The following DOCK8 variants were observed in gnomAD, a reference collection of about 807,000 sequenced individuals.
DOCK8 encodes dedicator of cytokinesis 8.
DOCK8 carries 141 observed loss-of-function variants against 245.6 expected under a neutral mutation model. That is an observed-to-expected ratio of 0.57 (90% CI 0.50 to 0.66). DOCK8 has a LOEUF of 0.66. DOCK8 is among the 30% of genes least tolerant of loss of function. DOCK8 has a pLI of 0.00. For synonymous variants in DOCK8, 1,168 were observed against 970.2 expected, an observed-to-expected ratio of 1.20 and a Z score of -3.79; for missense variants, 2,965 against 2,603.4, an observed-to-expected ratio of 1.14 and a Z score of -3.02.
At chr9:341,292 G>A (rs1046211795) in intron 14 of DOCK8, among the ~76,000 whole-genome samples, 13 of 152,224 alleles carry the variant, frequency 8.5e-5, no homozygotes, top group Admixed American at 4.6e-4. Flanking sequence ...TTTCTGAATC[G>A]CTTATGGTGG....
At chr9:405,418 T>G (rs1415767301) in intron 27 of DOCK8, among the ~76,000 whole-genome samples, 1 of 152,178 alleles carries the variant, frequency 6.6e-6, no homozygotes, top group Non-Finnish European at 1.5e-5. Flanking sequence ...CCAAAGTAAA[T>G]AAGTTTTGGA....
chr9:330,824 G>T (rs1025904844), intron 9 of DOCK8, among the ~76,000 whole-genome samples: 11 of 152,162 alleles, frequency 7.2e-5, no homozygotes, highest in African/African-American at 2.7e-4. Flanking sequence ...CATAAATCAT[G>T]AGGGAACAAA....
intron 14 of DOCK8, among the ~76,000 whole-genome samples, chr9:356,056 A>C (rs990875981): frequency 6.6e-6 from 1 of 152,350 alleles, no homozygotes. Flanking sequence ...GCTGGTGAAC[A>C]TATTTCTGAG....
chr9:362,093 G>T (rs2052757854), intron 14 of DOCK8, among the ~76,000 whole-genome samples: 1 of 152,140 alleles, frequency 6.6e-6, no homozygotes, highest in Non-Finnish European at 1.5e-5. Context: ...AATATTTTCA[G>T]ATTACAGAAG....
chr9:235,373 G>A (rs1048982701), intron 1 of DOCK8, among the ~76,000 whole-genome samples: 12 of 152,176 alleles, frequency 7.9e-5, no homozygotes, highest in Admixed American at 2.0e-4. Flanking sequence ...CAGTCTGCCC[G>A]TTCTCAGATC....
chr9:316,838 A>G (rs570098238), intron 6 of DOCK8, among the ~76,000 whole-genome samples: 42 of 152,242 alleles, frequency 2.8e-4, no homozygotes, highest in Middle Eastern at 3.4e-3. Context: ...GGGTTTCTAA[A>G]AGGAGAAACT....
rs562849249 is a variant in DOCK8, at chr9:251,856, A to G, written c.54-19771A>G. Among the ~76,000 whole-genome samples, 3 of 152,286 alleles carry G rather than the reference A, an allele frequency of 2.0e-5. No homozygotes were observed. The South Asian group carries it at 6.2e-4, about 32-fold the overall frequency. On this transcript the variant is annotated intron_variant, in intron 1 of 47. Coordinates refer to ENST00000432829, the MANE Select transcript of DOCK8 (RefSeq NM_203447.4). ...TTTCCAGGTTATAAGGATTAAAGAT[A>G]CGCTCATGTTACCTAAGTTAATGGT...
intron 1 of DOCK8, among the ~76,000 whole-genome samples, chr9:244,056 C>T (rs1053589617): frequency 1.3e-5 from 2 of 151,886 alleles, no homozygotes; most frequent in African/African-American, 4.8e-5. Flanking sequence ...GGCGTGGCGG[C>T]GACCGCTTGT....
At chr9:333,216 T>C (rs1029290750) in intron 10 of DOCK8, among the ~76,000 whole-genome samples, 1 of 152,218 alleles carries the variant, frequency 6.6e-6, no homozygotes, top group African/African-American at 2.4e-5. Flanking sequence ...CCATGCATTA[T>C]ATATATTCAT....
At chr9:338,859 A>C (rs1221596507) in intron 12 of DOCK8, 147 bp from the exon 13 acceptor site, 3 of 697,842 alleles carry the variant, frequency 4.3e-6, no homozygotes, top group Admixed American at 4.3e-5. Context: ...AGTGGAGCTC[A>C]GTGATTTCAG....
At chr9:412,456 G>T (rs1160781843) in intron 28 of DOCK8, among the ~76,000 whole-genome samples, 1 of 150,018 alleles carries the variant, frequency 6.7e-6, no homozygotes. Flanking sequence ...CATTTAAATT[G>T]GAAAAGAAGT....
At chr9:280,435 T>C (rs1341152239) in intron 2 of DOCK8, among the ~76,000 whole-genome samples, 2 of 152,178 alleles carry the variant, frequency 1.3e-5, no homozygotes, top group African/African-American at 2.4e-5. Context: ...CATATGGATG[T>C]GTGTGAAGGT....
intron 34 of DOCK8, among the ~76,000 whole-genome samples, chr9:427,229 C>CT (rs1254522142): frequency 6.6e-6 from 1 of 152,130 alleles, no homozygotes; most frequent in Admixed American, 6.6e-5. Flanking sequence ...CCAGCTGACC[C>CT]TCTTGGTTAA....
intron 46 of DOCK8, among the ~76,000 whole-genome samples, chr9:461,375 A>T (rs962011384): frequency 6.6e-6 from 1 of 151,834 alleles, no homozygotes; most frequent in Non-Finnish European, 1.5e-5. Flanking sequence ...TTATATCTCT[A>T]TGTTTCTTAA....
chr9:386,305 G>C (rs769067475), intron 22 of DOCK8, 26 bp from the exon 23 acceptor site: 3 of 1,603,566 alleles, frequency 1.9e-6, no homozygotes, highest in Admixed American at 1.7e-5. Flanking sequence ...TTGGTTGACT[G>C]TTAAGCCATG....
At chr9:303,599 A>G (rs1478528830) in intron 4 of DOCK8, among the ~76,000 whole-genome samples, 1 of 152,220 alleles carries the variant, frequency 6.6e-6, no homozygotes, top group East Asian at 1.9e-4. Context: ...TCGGGTAAAC[A>G]TGGGCATAAA....
chr9:230,706 G>A (rs576278335), intron 1 of DOCK8, among the ~76,000 whole-genome samples: 18 of 151,438 alleles, frequency 1.2e-4, no homozygotes, highest in Admixed American at 1.2e-3. Flanking sequence ...CTTCTTTTGA[G>A]AAGTGTTTGT....
chr9:242,567 A>G (rs1462530583), intron 1 of DOCK8, among the ~76,000 whole-genome samples: 1 of 152,222 alleles, frequency 6.6e-6, no homozygotes, highest in Non-Finnish European at 1.5e-5. Context: ...GTCTTGTAAT[A>G]GCCCAAAAAG....
intron 14 of DOCK8, among the ~76,000 whole-genome samples, chr9:349,954 C>T (rs971691786): frequency 4.6e-5 from 7 of 152,120 alleles, no homozygotes; most frequent in Admixed American, 1.3e-4. Context: ...TTTCTCCCTC[C>T]GCCGCCCTCC....
Sources: gnomAD v4.1 joint callset for allele counts (sites outside exome capture counted in the v4.1 genomes callset) on GRCh38, gnomAD v4.1.1 for gene constraint, MANE v1.5 for transcripts, NCBI Gene and HGNC (gene_info 2026-07-23, HGNC 2026-07-21) for gene names.